Variants in ERC2 observed in about 807,000 individuals in gnomAD.
ERC2 encodes the protein ERC protein 2.
In ERC2, 42 loss-of-function variants were observed where a neutral mutation model predicts 114.8. The ratio of observed to expected loss-of-function variants is 0.37; its 90% CI spans 0.29 to 0.47. The LOEUF (loss-of-function observed/expected upper bound fraction) is 0.47, where lower values mean the gene tolerates loss of function less well. ERC2 is among the 20% of genes least tolerant of loss of function. The pLI is 0.99. For missense variants in ERC2, 939 were observed against 1,150.7 expected, an observed-to-expected ratio of 0.82 and a Z score of 2.66; for synonymous variants, 454 against 425.5, an observed-to-expected ratio of 1.07 and a Z score of -0.82.
At chr3:56,302,896 C>T (rs1031150032) in intron 2 of ERC2, among the ~76,000 whole-genome samples, 1 of 152,192 alleles carries the variant, frequency 6.6e-6, no homozygotes, top group African/African-American at 2.4e-5. Flanking sequence ...AGGACATTAC[C>T]AGGTGATCCA....
intron 16 of ERC2, among the ~76,000 whole-genome samples, chr3:55,698,947 TG>T (rs1382944342): frequency 4.6e-5 from 7 of 152,030 alleles, no homozygotes; most frequent in Admixed American, 1.3e-4. Flanking sequence ...TTTCTCTCCT[TG>T]TTGTTTTACC....
intron 17 of ERC2, among the ~76,000 whole-genome samples, chr3:55,522,525 A>G (rs1397200795): frequency 6.9e-6 from 1 of 145,642 alleles, no homozygotes; most frequent in Non-Finnish European, 1.5e-5. Flanking sequence ...TTAAAGGGAA[A>G]CAATAACATT....
chr3:55,856,509 A>G (rs761160417), intron 14 of ERC2, among the ~76,000 whole-genome samples: 1 of 152,214 alleles, frequency 6.6e-6, no homozygotes, highest in Non-Finnish European at 1.5e-5. Flanking sequence ...GAAAAAATAA[A>G]CAAAACATAT....
chr3:56,170,604 T>TG (rs1553861441), intron 4 of ERC2, among the ~76,000 whole-genome samples: 40 of 133,230 alleles, frequency 3.0e-4, no homozygotes, highest in Non-Finnish European at 1.7e-4. Context: ...TTTTTTTTTT[T>TG]TTTTTTTTTT....
intron 6 of ERC2, among the ~76,000 whole-genome samples, chr3:56,095,393 C>G (rs965079335): frequency 6.6e-6 from 1 of 152,040 alleles, no homozygotes; most frequent in Non-Finnish European, 1.5e-5. Context: ...TAAATTGAAA[C>G]TATCTTCATG....
rs1281636340 is a variant in ERC2, at chr3:55,607,692, A to G, written c.*39+76102T>C. 1.3e-5 allele frequency among the ~76,000 whole-genome samples: 2 copies of G among 151,250 alleles called. 1 individual carries two copies. Among genetic ancestry groups the G allele is most frequent in the South Asian group, 4.2e-4 (2 of 4,768 alleles). On this transcript the variant is annotated intron_variant, in intron 17 of 17. Coordinates refer to ENST00000288221, the MANE Select transcript of ERC2 (RefSeq NM_015576.3). ...GTTGAACTGCTACGGAATAGACCCA[A>G]TTGCAGCAATCCTTTCTGCACACCA...
chr3:56,351,148 C>A (rs2058538511), intron 2 of ERC2, among the ~76,000 whole-genome samples: 1 of 152,028 alleles, frequency 6.6e-6, no homozygotes, highest in African/African-American at 2.4e-5. Flanking sequence ...AAACTAACAA[C>A]CCCATTTAAC....
chr3:56,209,588 C>A (rs931271932), intron 3 of ERC2, among the ~76,000 whole-genome samples: 1 of 152,086 alleles, frequency 6.6e-6, no homozygotes, highest in South Asian at 2.1e-4. Flanking sequence ...ATAAGTGGAC[C>A]CATAAACTGT....
At chr3:55,547,448 G>T in intron 17 of ERC2, among the ~76,000 whole-genome samples, 1 of 152,310 alleles carries the variant, frequency 6.6e-6, no homozygotes, top group East Asian at 1.9e-4. Context: ...GGCTGCCATT[G>T]CTCCAGTGGA....
At chr3:55,675,894 CTTTTCTTTCTTTTTT>C (rs2061767660) in intron 17 of ERC2, among the ~76,000 whole-genome samples, 4 of 70,474 alleles carry the variant, frequency 5.7e-5, no homozygotes, top group Non-Finnish European at 1.1e-4. Context: ...CTTTCTTTCT[CTTTTCTTTCTTTTTT>C]TTTTTTTTTT....
chr3:56,189,629 G>A (rs1254090720), intron 3 of ERC2, among the ~76,000 whole-genome samples: 5 of 152,192 alleles, frequency 3.3e-5, no homozygotes, highest in Non-Finnish European at 5.9e-5. Context: ...GAACAAGTCC[G>A]GGCCAATCCC....
At chr3:56,076,853 G>A (rs557124448) in intron 7 of ERC2, among the ~76,000 whole-genome samples, 25 of 152,262 alleles carry the variant, frequency 1.6e-4, no homozygotes, top group African/African-American at 5.5e-4. Context: ...CTGAGACTCA[G>A]AGCTCTGAAG....
chr3:56,134,920 GTTT>G (rs147281232), intron 6 of ERC2, among the ~76,000 whole-genome samples: 3 of 143,096 alleles, frequency 2.1e-5, no homozygotes, highest in Non-Finnish European at 4.5e-5. Context: ...CTTTTTTTTT[GTTT>G]TTTTTTGTTT....
rs572921536 is a variant in ERC2, at chr3:55,734,945, A to AT, written c.2565-28dup. 103 of 1,497,788 alleles carry AT rather than the reference A, an allele frequency of 6.9e-5. No homozygotes were observed. In the East Asian group the frequency reaches 2.4e-3, roughly 35 times the overall value. 92.8% of individuals were successfully genotyped at this position (1,497,788 alleles called of 1,614,324 possible). On this transcript the variant is annotated intron_variant, in intron 14 of 17. Coordinates refer to ENST00000288221, the MANE Select transcript of ERC2 (RefSeq NM_015576.3). ...TGGTAAAATAAAGATTATTGAGATC[A>AT]TTTTTGTAAAATAAAAAAAAAAACA...
chr3:55,912,129 T>C (rs989127918), intron 13 of ERC2, among the ~76,000 whole-genome samples: 5 of 152,182 alleles, frequency 3.3e-5, no homozygotes, highest in Non-Finnish European at 7.3e-5. Flanking sequence ...AGAACCGGTA[T>C]AAATATTGGC....
At chr3:55,629,973 G>A (rs1168749784) in intron 17 of ERC2, among the ~76,000 whole-genome samples, 2 of 152,156 alleles carry the variant, frequency 1.3e-5, no homozygotes, top group Non-Finnish European at 2.9e-5. Flanking sequence ...TACTGGTGGG[G>A]AGGGGTAGAA....
At chr3:56,198,667 T>C (rs1483855514) in intron 3 of ERC2, among the ~76,000 whole-genome samples, 2 of 152,164 alleles carry the variant, frequency 1.3e-5, no homozygotes, top group African/African-American at 2.4e-5. Context: ...ATTTGATGAA[T>C]CCAATTTTTG....
At chr3:56,140,062 C>G (rs188825836) in intron 5 of ERC2, among the ~76,000 whole-genome samples, 2 of 152,174 alleles carry the variant, frequency 1.3e-5, no homozygotes, top group African/African-American at 4.8e-5. Context: ...CAAGGCATAA[C>G]TCCACAGTGC....
chr3:56,434,162 A>C, intron 2 of ERC2, 189 bp downstream of exon 2: 1 of 590,024 alleles, frequency 1.7e-6, no homozygotes. Flanking sequence ...TCGGAAAATA[A>C]GGAAATTACA....
Sources: gnomAD v4.1 joint callset for allele counts (sites outside exome capture counted in the v4.1 genomes callset) on GRCh38, gnomAD v4.1.1 for gene constraint, MANE v1.5 for transcripts, NCBI Gene and HGNC (gene_info 2026-07-23, HGNC 2026-07-21) for gene names.